The following DSCAML1 variants were observed in gnomAD, a reference collection of about 807,000 sequenced individuals.
DSCAML1 encodes cell adhesion molecule DSCAML1.
A neutral mutation model predicts 200.5 loss-of-function variants in DSCAML1; 38 were observed. That is an observed-to-expected ratio of 0.19 (90% CI 0.15 to 0.25). DSCAML1 has a LOEUF of 0.25. DSCAML1 is among the 10% of genes least tolerant of loss of function. The probability of loss-of-function intolerance (pLI) is 1.00; values close to 1 mark genes in which losing one functional copy is unlikely to be tolerated. For synonymous variants in DSCAML1, 1,215 were observed against 1,165.0 expected (o/e 1.04, Z -0.87); for missense variants, 2,223 against 2,858.8 (o/e 0.78, Z 5.07).
In DSCAML1 at chr11:117,511,872, C is replaced by G. The variant is rs115442461; in HGVS notation, c.1783+4595G>C. Among the ~76,000 whole-genome samples, 1,449 of 152,384 alleles carry G rather than the reference C, an allele frequency of 9.5e-3. 26 individuals are homozygous for G. The highest frequency in any genetic ancestry group is 0.033 in the African/African-American group (1,378 of 41,586). On this transcript the variant is annotated intron_variant, in intron 8 of 32. Transcript: ENST00000651296. ...GTGAATGGGCTAATGTGTTAATTGG[C>G]TGCACGTGCATGCAATACGTACCAG...
intron 1 of DSCAML1, among the ~76,000 whole-genome samples, chr11:117,807,331 G>A (rs957046100): frequency 3.9e-5 from 6 of 152,202 alleles, no homozygotes; most frequent in Non-Finnish European, 4.4e-5. Context: ...TCTTGACCAG[G>A]CCTGTCCTAG....
rs200635752 is a variant in DSCAML1 at position 117,458,901 on chromosome 11, C to T, written c.3421G>A (p.Glu1141Lys). ...WSLYVDGEWG[E>K]MQNITTTRER... ...CGCGTGGTGGTGATGTTCTGCATCT[C>T]GCCCCACTCTGCCAGAGACCAGCAA... Residue 1141 changes from glutamate (E) to lysine (K), a missense_variant, in exon 19 of 33, where the codon GAG (glutamate) becomes AAG (lysine). Transcript: ENST00000651296. 132 of 1,613,450 alleles carry T rather than the reference C, an allele frequency of 8.2e-5. No individual in the cohort carries two copies. In the East Asian group the frequency reaches 2.6e-3, roughly 31 times the overall value.
intron 3 of DSCAML1, among the ~76,000 whole-genome samples, chr11:117,671,391 C>G (rs2053103044): frequency 6.6e-6 from 1 of 152,198 alleles, no homozygotes; most frequent in South Asian, 2.1e-4. Context: ...ATGTTTACAT[C>G]TCGGGGCTTA....
chr11:117,543,801 G>GTTT (rs55730750), intron 3 of DSCAML1, among the ~76,000 whole-genome samples: 56 of 146,684 alleles, frequency 3.8e-4, no homozygotes, highest in Middle Eastern at 3.5e-3. Flanking sequence ...TTATAGGGCA[G>GTTT]TTTTTTTTTT....
At chr11:117,549,995 T>C (rs1378522723) in intron 3 of DSCAML1, among the ~76,000 whole-genome samples, 1 of 152,186 alleles carries the variant, frequency 6.6e-6, no homozygotes, top group Non-Finnish European at 1.5e-5. Context: ...TGCACCAACC[T>C]TTCCACACTG....
chr11:117,690,713 G>A (rs1354630492), intron 3 of DSCAML1, among the ~76,000 whole-genome samples: 1 of 152,370 alleles, frequency 6.6e-6, no homozygotes, highest in African/African-American at 2.4e-5. Context: ...GATCTTGTGC[G>A]TAGGCCAGGC....
chr11:117,737,245 C>G (rs1041332875), intron 3 of DSCAML1, among the ~76,000 whole-genome samples: 1 of 152,216 alleles, frequency 6.6e-6, no homozygotes, highest in African/African-American at 2.4e-5. Flanking sequence ...TTCATCCTTT[C>G]CAGTTATTCT....
chr11:117,520,784 A>G (rs1385582050), intron 6 of DSCAML1, among the ~76,000 whole-genome samples: 1 of 144,936 alleles, frequency 6.9e-6, no homozygotes, highest in East Asian at 1.9e-4. Flanking sequence ...GGACATTAGC[A>G]TGGTGCAAGA....
intron 3 of DSCAML1, among the ~76,000 whole-genome samples, chr11:117,682,689 G>C (rs2053331952): frequency 1.5e-5 from 2 of 136,922 alleles, no homozygotes; most frequent in Admixed American, 1.4e-4. Flanking sequence ...ACAGCTGGTA[G>C]GTGAAACTTA....
chr11:117,796,999 C>T (rs1427275795), intron 1 of DSCAML1, 35 bp downstream of exon 1: 1 of 1,364,748 alleles, frequency 7.3e-7, no homozygotes. Flanking sequence ...CTGGCCCCGC[C>T]GCCTCCGCCG....
At chr11:117,547,718 T>C (rs1038797783) in intron 3 of DSCAML1, among the ~76,000 whole-genome samples, 1 of 152,214 alleles carries the variant, frequency 6.6e-6, no homozygotes, top group African/African-American at 2.4e-5. Context: ...TGTGGTCTTA[T>C]CTAATTCATT....
chr11:117,751,011 T>G (rs1025688168), intron 3 of DSCAML1, among the ~76,000 whole-genome samples: 1 of 152,086 alleles, frequency 6.6e-6, no homozygotes, highest in Non-Finnish European at 1.5e-5. Flanking sequence ...CCAGGCCTCG[T>G]GCTTTTGGGG....
intron 3 of DSCAML1, among the ~76,000 whole-genome samples, chr11:117,568,585 CAG>C (rs1162497953): frequency 6.6e-6 from 1 of 151,844 alleles, no homozygotes; most frequent in Non-Finnish European, 1.5e-5. Flanking sequence ...CAACAACAGA[CAG>C]AGAGCCAAAT....
intron 14 of DSCAML1, among the ~76,000 whole-genome samples, chr11:117,477,026 T>G (rs553769605): frequency 1.1e-3 from 172 of 152,230 alleles, no homozygotes; most frequent in African/African-American, 3.9e-3. Flanking sequence ...CAAATCCTCA[T>G]GGCCACCCTG....
At chr11:117,550,846 G>A (rs1338375383) in intron 3 of DSCAML1, among the ~76,000 whole-genome samples, 1 of 152,206 alleles carries the variant, frequency 6.6e-6, no homozygotes, top group African/African-American at 2.4e-5. Flanking sequence ...TTCTGACTCT[G>A]GCAATTTCCT....
At chr11:117,578,015 A>G (rs546000114) in intron 3 of DSCAML1, among the ~76,000 whole-genome samples, 45 of 151,396 alleles carry the variant, frequency 3.0e-4, no homozygotes, top group African/African-American at 1.1e-3. Context: ...TGGGTGGATC[A>G]CCTGAGGTCA....
At chr11:117,760,516 A>T (rs569605768) in intron 3 of DSCAML1, among the ~76,000 whole-genome samples, 2 of 152,202 alleles carry the variant, frequency 1.3e-5, no homozygotes, top group Non-Finnish European at 2.9e-5. Context: ...TTTTCTCTTC[A>T]ATCGACACGT....
intron 8 of DSCAML1, among the ~76,000 whole-genome samples, chr11:117,512,510 G>GA: frequency 6.6e-6 from 1 of 152,200 alleles, no homozygotes; most frequent in East Asian, 1.9e-4. Context: ...GCACGTCCCA[G>GA]AGCCCCTCAC....
At chr11:117,610,846 C>G (rs989372510) in intron 3 of DSCAML1, among the ~76,000 whole-genome samples, 9 of 148,964 alleles carry the variant, frequency 6.0e-5, no homozygotes, top group African/African-American at 1.5e-4. Flanking sequence ...AACAACCCCC[C>G]CCCCCCACAA....
Sources: gnomAD v4.1 joint callset for allele counts (sites outside exome capture counted in the v4.1 genomes callset) on GRCh38, gnomAD v4.1.1 for gene constraint, MANE v1.5 for transcripts, NCBI Gene and HGNC (gene_info 2026-07-23, HGNC 2026-07-21) for gene names.